Variants in AZIN2 observed in about 807,000 individuals in gnomAD.
The protein encoded by AZIN2 is antizyme inhibitor 2, also known as ODC antizyme inhibitor-2.
In AZIN2, 28 loss-of-function variants were observed where a neutral mutation model predicts 47.8. That is an observed-to-expected ratio of 0.59 (90% CI 0.43 to 0.80). AZIN2 has a LOEUF of 0.80. Among genes scored for constraint, AZIN2 ranks in the 30% least tolerant of loss-of-function variants. The probability of loss-of-function intolerance (pLI) is 0.00; values close to 1 mark genes in which losing one functional copy is unlikely to be tolerated. For missense variants in AZIN2, 535 were observed against 582.5 expected, an observed-to-expected ratio of 0.92 and a Z score of 0.84; for synonymous variants, 221 against 239.4, an observed-to-expected ratio of 0.92 and a Z score of 0.71.
the AZIN2 span, among the ~76,000 whole-genome samples, chr1:33,138,316 G>C: frequency 6.6e-6 from 1 of 152,124 alleles, no homozygotes; most frequent in East Asian, 1.9e-4. Flanking sequence ...AAAAAAACAG[G>C]TTATGGAACA....
chr1:33,147,743 G>A, the AZIN2 span: 20 of 1,602,150 alleles, frequency 1.2e-5, no homozygotes, highest in Non-Finnish European at 2.6e-6. The surrounding 1 kb of genome is among the most constrained non-coding windows in gnomAD (Gnocchi z 8.1). Context: ...GGGGTTGGAG[G>A]AGGGAGAGAA....
the AZIN2 span, chr1:33,159,929 G>C: frequency 6.2e-7 from 1 of 1,604,622 alleles, no homozygotes; most frequent in Admixed American, 1.7e-5. This position sits in a 1 kb window ranked among gnomAD's most constrained non-coding sequence, Gnocchi z 4.2. Context: ...GTGGTCCGCA[G>C]GCTCTTGGTG....
At chr1:33,159,089 C>T in the AZIN2 span, among the ~76,000 whole-genome samples, 1 of 151,998 alleles carries the variant, frequency 6.6e-6, no homozygotes, top group African/African-American at 2.4e-5. The surrounding 1 kb of genome is among the most constrained non-coding windows in gnomAD (Gnocchi z 4.2). Flanking sequence ...AGGTAATCCA[C>T]CTGCCTCGGC....
chr1:33,144,225 C>T, the AZIN2 span, among the ~76,000 whole-genome samples: 3 of 152,256 alleles, frequency 2.0e-5, no homozygotes, highest in Non-Finnish European at 2.9e-5. Flanking sequence ...GCAACCTCCG[C>T]CTCCCGGGTT....
the AZIN2 span, among the ~76,000 whole-genome samples, chr1:33,145,187 C>T: frequency 6.6e-6 from 1 of 152,178 alleles, no homozygotes; most frequent in Non-Finnish European, 1.5e-5. Context: ...AGTTTTTGGA[C>T]AGGTTTGTGG....
rs1046523541 is a variant in AZIN2 at position 33,081,198 on chromosome 1, G to C, written c.-502G>C. 1 of 154,254 alleles carries C rather than the reference G, an allele frequency of 6.5e-6. No homozygotes were observed. Among genetic ancestry groups the C allele is most frequent in the Non-Finnish European group, 1.4e-5 (1 of 69,452 alleles). The allele number at this position is 154,254 out of a possible 1,614,324, so 9.6% of individuals were successfully genotyped here. On this transcript the variant is annotated 5_prime_UTR_variant, in exon 1 of 12. Transcript: ENST00000294517. This position sits in a 1 kb window ranked among gnomAD's most constrained non-coding sequence, Gnocchi z 4.2. ...TGGGCTGGCGGGGCGCAGGCCGCGG[G>C]ACCCGAGCCCGGGGAAGCGAGAGAG...
At chr1:33,125,080 G>T (rs577191588), downstream of AZIN2, among the ~76,000 whole-genome samples, 70 of 152,274 alleles carry the variant, frequency 4.6e-4, no homozygotes, top group African/African-American at 1.7e-3. Context: ...TCAGAGAGAC[G>T]CAAGTTGTCA....
In AZIN2 at chr1:33,117,909, C is replaced by T; in HGVS notation, c.1037C>T (p.Ser346Phe). Residue 346 changes from serine to phenylalanine, a missense_variant, in exon 11 of 12, where the codon TCC (serine) becomes TTC (phenylalanine). By Grantham distance (155) the Ser-to-Phe change is radical. Coordinates refer to ENST00000294517, the MANE Select transcript of AZIN2 (RefSeq NM_052998.4). ...CATCCCTTCTTCCTACAGAAACCAT[C>T]CACGGAGCAGCCCCTGTACAGCAGC... ...CPTPILQKKPSTEQPLYSSSL... is the reference protein window; with the variant it reads ...CPTPILQKKPFTEQPLYSSSL... 1 of 1,614,220 alleles carries T rather than the reference C, an allele frequency of 6.2e-7. No homozygotes were observed.
the AZIN2 span, among the ~76,000 whole-genome samples, chr1:33,160,507 C>T: frequency 3.9e-5 from 6 of 152,094 alleles, no homozygotes; most frequent in African/African-American, 1.2e-4. Context: ...TGGGTTCAGG[C>T]GATTCTCCAG....
intron 10 of AZIN2, among the ~76,000 whole-genome samples, chr1:33,100,931 G>A (rs566388894): frequency 6.6e-6 from 1 of 151,198 alleles, no homozygotes; most frequent in African/African-American, 2.4e-5. Context: ...GTGTGATCTC[G>A]GCTCACTGCA....
chr1:33,161,000 C>T, the AZIN2 span, among the ~76,000 whole-genome samples: 1 of 152,326 alleles, frequency 6.6e-6, no homozygotes. Flanking sequence ...GCCTGACAGT[C>T]TGCGTAAGGA....
chr1:33,100,643 G>A (rs1643609669), intron 10 of AZIN2, among the ~76,000 whole-genome samples: 1 of 151,792 alleles, frequency 6.6e-6, no homozygotes, highest in Non-Finnish European at 1.5e-5. Flanking sequence ...AAATATTATT[G>A]GAGCTTTTAA....
At chr1:33,103,537 C>G (rs1643865576) in intron 10 of AZIN2, among the ~76,000 whole-genome samples, 2 of 152,154 alleles carry the variant, frequency 1.3e-5, no homozygotes, top group South Asian at 2.1e-4. Context: ...GCTCACCTCC[C>G]CTAGTCAGAT....
At chr1:33,091,281 C>A (rs1248042485) in intron 5 of AZIN2, among the ~76,000 whole-genome samples, 1 of 152,150 alleles carries the variant, frequency 6.6e-6, no homozygotes, top group East Asian at 1.9e-4. Flanking sequence ...GCTCTGTCAC[C>A]CAGGCTAGAG....
chr1:33,117,804 C>A, intron 10 of AZIN2, 98 bp from the exon 11 acceptor site: 1 of 1,328,666 alleles, frequency 7.5e-7, no homozygotes, highest in Non-Finnish European at 1.1e-6. Flanking sequence ...AGACTTTATC[C>A]TGTTGGCTAT....
the AZIN2 span, among the ~76,000 whole-genome samples, chr1:33,162,588 G>A: frequency 6.6e-6 from 1 of 152,226 alleles, no homozygotes; most frequent in Non-Finnish European, 1.5e-5. Context: ...GGGTGAAGGA[G>A]GGAAGAGTCT....
At chr1:33,125,056 A>C (rs72656219), downstream of AZIN2, among the ~76,000 whole-genome samples, 908 of 152,308 alleles carry the variant, frequency 6.0e-3, 10 homozygotes, top group South Asian at 0.013. Context: ...TCCAACCAGG[A>C]AACTTTGAGG....
chr1:33,104,308 T>G (rs1026886626), intron 10 of AZIN2, among the ~76,000 whole-genome samples: 34 of 152,196 alleles, frequency 2.2e-4, no homozygotes, highest in Admixed American at 2.0e-4. Flanking sequence ...GGTCTTGAAG[T>G]TTTTTCTTGC....
chr1:33,083,959 G>C lies in AZIN2; in HGVS notation c.111G>C (p.Glu37Asp). ...TLGASQATTD[E>D]VAAFFVADLG... ...ATCCACTTCTTGTCATTCAGGACGA[G>C]GTAGCTGCCTTCTTCGTGGCTGACC... Residue 37 changes from glutamate (E) to aspartate (D), a missense_variant, in exon 5 of 12, where the codon GAG (glutamate) becomes GAC (aspartate). By Grantham distance (45) the Glu-to-Asp change is conservative. Coordinates refer to ENST00000294517, the MANE Select transcript of AZIN2 (RefSeq NM_052998.4). 6.2e-7 allele frequency: 1 copy of C among 1,614,138 alleles called. No homozygotes were observed. Among genetic ancestry groups the C allele is most frequent in the Non-Finnish European group, 8.5e-7 (1 of 1,180,044 alleles).
Sources: allele counts gnomAD v4.1 joint callset (sites outside exome capture counted in the v4.1 genomes callset), GRCh38; gene constraint gnomAD v4.1.1; non-coding constraint Gnocchi (gnomAD v3.1); transcripts MANE v1.5; gene names NCBI Gene and HGNC (gene_info 2026-07-23, HGNC 2026-07-21).